The following EPG5 variants were observed in gnomAD, a reference collection of about 807,000 sequenced individuals.
EPG5 encodes ectopic P granules protein 5 homolog.
A neutral mutation model predicts 302.7 loss-of-function variants in EPG5; 159 were observed. That is an observed-to-expected ratio of 0.53 (90% CI 0.46 to 0.60). The LOEUF is 0.60. Among genes scored for constraint, EPG5 ranks in the 20% least tolerant of loss-of-function variants. EPG5 has a pLI of 0.00. For missense variants in EPG5, 2,896 were observed against 3,092.4 expected (o/e 0.94, Z 1.51); for synonymous variants, 1,158 against 1,136.8 (o/e 1.02, Z -0.37).
intron 1 of EPG5, among the ~76,000 whole-genome samples, chr18:45,960,402 T>C (rs771493147): frequency 3.5e-4 from 54 of 152,184 alleles, no homozygotes; most frequent in Non-Finnish European, 6.6e-4. Context: ...GCCTCCCTAG[T>C]AGTTGAAAGT....
chr18:45,961,867 A>G (rs926801061), intron 1 of EPG5, among the ~76,000 whole-genome samples: 3 of 151,860 alleles, frequency 2.0e-5, no homozygotes, highest in African/African-American at 7.3e-5. Flanking sequence ...CCAAAAAAAA[A>G]AAAAAAAAAC....
the EPG5 span, chr18:45,840,931 C>T: frequency 6.6e-6 from 1 of 152,354 alleles, no homozygotes; most frequent in Non-Finnish European, 1.5e-5. Flanking sequence ...TACTGTCGCA[C>T]CAACGCCCCT....
At chr18:45,900,204 C>T (rs1245485590) in intron 26 of EPG5, among the ~76,000 whole-genome samples, 1 of 152,066 alleles carries the variant, frequency 6.6e-6, no homozygotes, top group African/African-American at 2.4e-5. Context: ...AGATCGAAAC[C>T]ATCCTGGCTA....
intron 28 of EPG5, among the ~76,000 whole-genome samples, chr18:45,888,512 C>T (rs1394488409): frequency 2.0e-5 from 3 of 152,082 alleles, no homozygotes; most frequent in Non-Finnish European, 4.4e-5. Flanking sequence ...ACCATGTTGG[C>T]CAGGCTGGTC....
intron 11 of EPG5, among the ~76,000 whole-genome samples, chr18:45,931,353 C>T (rs768921680): frequency 3.7e-4 from 57 of 152,122 alleles, no homozygotes; most frequent in Admixed American, 7.2e-4. Flanking sequence ...TTAGTTATAA[C>T]CGTAAATGAA....
Position 45,884,628 on chromosome 18 carries a change from G to A in EPG5, c.5293C>T (p.Leu1765=), listed in dbSNP as rs1480922272. The change falls in exon 30 of 44, where the codon CTG becomes TTG. Residue 1765 remains leucine (L), a synonymous_variant. Transcript: ENST00000282041. ...GAATTACATCTTACCTTGGTTAGCA[G>A]CATGAAAATCATATCACTGTTGTCC... ...SEDNSDMIFM[L]LTKFDLKQWL... 2 of 1,602,266 alleles carry A rather than the reference G, an allele frequency of 1.2e-6. No individual in the cohort carries two copies. Among genetic ancestry groups the A allele is most frequent in the African/African-American group, 1.4e-5 (1 of 73,876 alleles).
intron 21 of EPG5, among the ~76,000 whole-genome samples, chr18:45,913,065 CG>C (rs1391106768): frequency 6.7e-6 from 1 of 148,498 alleles, no homozygotes; most frequent in Non-Finnish European, 1.5e-5. Flanking sequence ...AATTCCAGCC[CG>C]GGCGACAGGG....
chr18:45,923,189 T>C (rs1461617177), intron 15 of EPG5, 79 bp downstream of exon 15: 2 of 1,488,618 alleles, frequency 1.3e-6, no homozygotes, highest in Non-Finnish European at 1.8e-6. Context: ...TGGTCAATAG[T>C]ATAAGTCTAT....
rs2049559053 is a variant in EPG5, at chr18:45,899,584, G to A, written c.4647-18C>T. On this transcript the variant is annotated intron_variant, in intron 26 of 43. Transcript: ENST00000282041. ...CTGCGGTTCTGAAAAACATCATCAG[G>A]AGGTAAAAGAAAGTCTTAGGAAAGG... is the stretch of plus-strand genomic sequence containing the variant. The A allele has an allele frequency of 6.2e-7, 1 of 1,613,350 alleles. No individual in the cohort carries two copies. Among genetic ancestry groups the A allele is most frequent in the Non-Finnish European group, 8.5e-7 (1 of 1,179,522 alleles).
chr18:45,867,942 T>C (rs2048782192), intron 36 of EPG5, 194 bp from the exon 37 acceptor site: 3 of 678,588 alleles, frequency 4.4e-6, no homozygotes, highest in East Asian at 5.8e-5. Flanking sequence ...TGTGTGTATA[T>C]TTTAGTTTGT....
intron 14 of EPG5, among the ~76,000 whole-genome samples, chr18:45,924,120 C>A (rs545777215): frequency 1.3e-5 from 2 of 152,212 alleles, no homozygotes; most frequent in South Asian, 2.1e-4. Flanking sequence ...AGACACTCAG[C>A]AACACAGGTA....
At chr18:45,910,784 G>A (rs759752304) in intron 22 of EPG5, 42 bp from the exon 23 acceptor site, 1 of 1,513,384 alleles carries the variant, frequency 6.6e-7, no homozygotes, top group East Asian at 2.3e-5. Flanking sequence ...TTCAACACAA[G>A]ATGTACTTTC....
chr18:45,923,180 G>A (rs2050194171), intron 15 of EPG5, 88 bp downstream of exon 15: 2 of 1,393,810 alleles, frequency 1.4e-6, no homozygotes, highest in African/African-American at 2.9e-5. Flanking sequence ...GATACCTAAT[G>A]GTCAATAGTA....
intron 3 of EPG5, among the ~76,000 whole-genome samples, chr18:45,951,527 T>A (rs200946318): frequency 6.6e-6 from 1 of 151,984 alleles, no homozygotes; most frequent in Non-Finnish European, 1.5e-5. Context: ...GGCGCAATCT[T>A]GACTCACTGC....
At chr18:45,919,075 T>C (rs2050093215) in intron 16 of EPG5, among the ~76,000 whole-genome samples, 2 of 152,140 alleles carry the variant, frequency 1.3e-5, no homozygotes, top group African/African-American at 2.4e-5. Context: ...GGAAAAATGA[T>C]GGATGAAAAT....
chr18:45,822,728 A>G, the EPG5 span, among the ~76,000 whole-genome samples: 2,106 of 152,330 alleles, frequency 0.014, 17 homozygotes, highest in Non-Finnish European at 0.022. Flanking sequence ...GATTTTTAAA[A>G]GAATATCTAT....
In EPG5 at chr18:45,916,566, G is replaced by A. The variant is rs1181105473; in HGVS notation, c.3256C>T (p.Leu1086Phe). The change falls in exon 18 of 44, where the codon CTC becomes TTC. Residue 1086 changes from leucine to phenylalanine, a missense_variant. By Grantham distance (22) the Leu-to-Phe change is conservative. Coordinates refer to ENST00000282041, the MANE Select transcript of EPG5 (RefSeq NM_020964.3). ...LKNEQFLSHL[L>F]LFLHLDSGVP... Reference sequence around the variant, plus strand: ...CCGCTGTCCAAGTGTAGGAACAAGAGGAGATGCGATAAAAACCTGCCAAGC... The same window carrying A: ...CCGCTGTCCAAGTGTAGGAACAAGAAGAGATGCGATAAAAACCTGCCAAGC... 3.1e-6 allele frequency: 5 copies of A among 1,600,390 alleles called. No individual in the cohort carries two copies. The highest frequency in any genetic ancestry group is 1.7e-5 in the Admixed American group (1 of 59,792).
chr18:45,925,709 A>C, intron 14 of EPG5, 29 bp downstream of exon 14: 8 of 1,427,162 alleles, frequency 5.6e-6, no homozygotes, highest in Non-Finnish European at 7.4e-6. Context: ...TACAACCTCC[A>C]GTCTCCAGGG....
downstream of EPG5, chr18:45,842,805 C>G (rs1371593483): frequency 2.0e-5 from 3 of 153,094 alleles, no homozygotes; most frequent in African/African-American, 7.2e-5. Flanking sequence ...GACCTTTGGA[C>G]GTGCAGTCAG....
Sources: gnomAD v4.1 joint callset for allele counts (sites outside exome capture counted in the v4.1 genomes callset) on GRCh38, gnomAD v4.1.1 for gene constraint, MANE v1.5 for transcripts, NCBI Gene and HGNC (gene_info 2026-07-23, HGNC 2026-07-21) for gene names.